NFASC: variants seen among roughly 807,000 people sequenced by gnomAD.
NFASC encodes the protein neurofascin.
In NFASC, 43 loss-of-function variants were observed where a neutral mutation model predicts 147.5. The observed-to-expected ratio is 0.29, with a 90% CI of 0.23 to 0.38. NFASC has a LOEUF of 0.38. Ranked by LOEUF, NFASC falls within the 10% of genes least tolerant of loss-of-function variation. The pLI is 1.00. For missense variants in NFASC, 1,320 were observed against 1,689.0 expected (o/e 0.78, Z 3.83); for synonymous variants, 622 against 665.5 (o/e 0.93, Z 1.01).
chr1:204,998,618 AGGC>A (rs1369057042), intron 25 of NFASC: 4 of 152,244 alleles, frequency 2.6e-5, no homozygotes, highest in Non-Finnish European at 5.9e-5. Context: ...AGAACTTAAC[AGGC>A]ACTTTCGGAA....
chr1:204,839,934 T>G (rs1674822533), intron 1 of NFASC, among the ~76,000 whole-genome samples: 2 of 152,132 alleles, frequency 1.3e-5, no homozygotes, highest in Admixed American at 6.5e-5. Flanking sequence ...CCCAGGCCCC[T>G]GGCTCTACTG....
At chr1:204,964,379 TAAG>T (rs1350095708) in intron 8 of NFASC, among the ~76,000 whole-genome samples, 2 of 152,194 alleles carry the variant, frequency 1.3e-5, no homozygotes, top group African/African-American at 4.8e-5. Flanking sequence ...CTTCTGAAAT[TAAG>T]AAGGACAGAC....
At chr1:204,901,559 T>C (rs1253910112) in intron 1 of NFASC, among the ~76,000 whole-genome samples, 3 of 152,070 alleles carry the variant, frequency 2.0e-5, no homozygotes, top group African/African-American at 7.2e-5. Context: ...TTGATTGAGT[T>C]GTGGTGGGGG....
chr1:205,012,542 T>G (rs2096272392), intron 28 of NFASC, among the ~76,000 whole-genome samples: 1 of 151,862 alleles, frequency 6.6e-6, no homozygotes, highest in South Asian at 2.1e-4. Flanking sequence ...GGGGGGAGCT[T>G]GGTAGGAGGA....
intron 1 of NFASC, among the ~76,000 whole-genome samples, chr1:204,910,251 T>C (rs984984697): frequency 6.6e-6 from 1 of 152,194 alleles, no homozygotes; most frequent in Non-Finnish European, 1.5e-5. Flanking sequence ...ATTTGATTTC[T>C]TTAATCAGTT....
intron 1 of NFASC, among the ~76,000 whole-genome samples, chr1:204,915,890 A>G (rs1048899164): frequency 3.3e-5 from 5 of 152,232 alleles, no homozygotes; most frequent in Non-Finnish European, 7.3e-5. Flanking sequence ...ACGTTTGCTA[A>G]GGAATGATCT....
intron 1 of NFASC, among the ~76,000 whole-genome samples, chr1:204,891,142 A>G (rs536352208): frequency 6.6e-6 from 1 of 152,316 alleles, no homozygotes; most frequent in Admixed American, 6.5e-5. Context: ...TTGGCATGGA[A>G]TCCCTAGAAA....
At position 204,832,767 on chromosome 1, in the gene NFASC, A is replaced by T. The variant is rs550102555; in HGVS notation, c.-200+3985A>T. 9.2e-5 allele frequency among the ~76,000 whole-genome samples: 14 copies of T among 152,376 alleles called. No homozygotes were observed. In the East Asian group the frequency reaches 2.5e-3, roughly 27 times the overall value. ...TGAAACCAAATTAAGACTCAGCACAAGAACTGCTATAATTGAGGTTAGATG... is the reference window on the plus strand; with the variant it reads ...TGAAACCAAATTAAGACTCAGCACATGAACTGCTATAATTGAGGTTAGATG... On this transcript the variant is annotated intron_variant, in intron 1 of 29. Coordinates refer to ENST00000339876, the MANE Select transcript of NFASC (RefSeq NM_001005388.3).
intron 2 of NFASC, among the ~76,000 whole-genome samples, chr1:204,926,485 C>T (rs1341372050): frequency 1.7e-4 from 25 of 143,560 alleles, no homozygotes; most frequent in Non-Finnish European, 3.6e-4. Flanking sequence ...ACAATCTCAG[C>T]CCATTGCAGC....
intron 15 of NFASC, among the ~76,000 whole-genome samples, chr1:204,976,378 C>T (rs1274025475): frequency 2.6e-5 from 4 of 152,176 alleles, no homozygotes; most frequent in African/African-American, 9.7e-5. Flanking sequence ...GAGGGGTGCA[C>T]AGCACAGTAA....
At chr1:204,907,923 A>G (rs1462869090) in intron 1 of NFASC, among the ~76,000 whole-genome samples, 2 of 149,708 alleles carry the variant, frequency 1.3e-5, no homozygotes, top group Non-Finnish European at 3.0e-5. Flanking sequence ...TATAATACAT[A>G]CTAACACATA....
rs773673228 is a variant in NFASC at position 205,012,734 on chromosome 1, C to G, written c.3422-63C>G. On this transcript the variant is annotated intron_variant, in intron 28 of 29. Transcript: ENST00000339876. Reference sequence around the variant, plus strand: ...TTCTGGCCCTGCATTCAGTGGAGCCCTAGAGAGCAGGGGCATGTACTTAAT... The same window carrying G: ...TTCTGGCCCTGCATTCAGTGGAGCCGTAGAGAGCAGGGGCATGTACTTAAT... The G allele has an allele frequency of 2.2e-5, 27 of 1,247,846 alleles. No homozygotes were observed. The South Asian group carries it at 2.5e-4, about 12-fold the overall frequency. 77.3% of individuals were successfully genotyped at this position (1,247,846 alleles called of 1,614,324 possible). A position where few individuals can be genotyped will look rare whatever the true frequency, so the allele number is the denominator to read the frequency against.
At chr1:204,962,113 C>A in intron 8 of NFASC, 1 of 1,613,366 alleles carries the variant, frequency 6.2e-7, no homozygotes, top group South Asian at 1.1e-5. Context: ...TACAGACCAC[C>A]CTTATAATGA....
intron 2 of NFASC, among the ~76,000 whole-genome samples, chr1:204,921,457 G>A (rs1214518149): frequency 1.3e-5 from 2 of 152,198 alleles, no homozygotes; most frequent in Non-Finnish European, 2.9e-5. Context: ...TATTCTTTGA[G>A]TTTGGGCATC....
chr1:204,974,568 C>T lies in NFASC; in HGVS notation c.1392-89C>T, dbSNP rs1381488739. 5.6e-6 allele frequency: 8 copies of T among 1,428,344 alleles called. No individual in the cohort carries two copies. The South Asian group carries it at 8.0e-5, about 14-fold the overall frequency. The allele number at this position is 1,428,344 out of a possible 1,614,324, so 88.5% of individuals were successfully genotyped here. On this transcript the variant is annotated intron_variant, in intron 13 of 29. Transcript: ENST00000339876. ...TCCTAGCATGGGGCTCCTTCCACAG[C>T]CCCCATGGTCTCTCTTGATTGGCTG...
intron 1 of NFASC, among the ~76,000 whole-genome samples, chr1:204,850,631 TCTC>T (rs1035385413): frequency 1.3e-5 from 2 of 152,196 alleles, no homozygotes; most frequent in Non-Finnish European, 2.9e-5. Context: ...GTATGGCACT[TCTC>T]CTTTGTGCGC....
At chr1:204,993,658 C>G (rs1256029030) in intron 24 of NFASC, 7 of 454,710 alleles carry the variant, frequency 1.5e-5, no homozygotes, top group Non-Finnish European at 3.1e-5. Context: ...CAGAGAGTCT[C>G]TGCCCGCTGT....
intron 21 of NFASC, chr1:204,984,331 A>ATG (rs10641235): frequency 0.35 from 121,584 of 345,232 alleles, 25,825 homozygotes; most frequent in Non-Finnish European, 0.42. Flanking sequence ...TTATATATAT[A>ATG]TGTGTGTGTG....
intron 1 of NFASC, among the ~76,000 whole-genome samples, chr1:204,876,487 TGTACAGTTTGGTGGCATTAA>T (rs1383155654): frequency 9.9e-5 from 15 of 152,220 alleles, no homozygotes; most frequent in Non-Finnish European, 2.1e-4. Context: ...TATTTTTAAA[TGTACAGTTTGGTGGCATTAA>T]GTACATTCAC....
Sources: gnomAD v4.1 joint callset for allele counts (sites outside exome capture counted in the v4.1 genomes callset) on GRCh38, gnomAD v4.1.1 for gene constraint, MANE v1.5 for transcripts, NCBI Gene and HGNC (gene_info 2026-07-23, HGNC 2026-07-21) for gene names.